Variants in THSD7B observed in about 807,000 individuals in gnomAD.
THSD7B encodes the protein thrombospondin type-1 domain-containing protein 7B.
A neutral mutation model predicts 213.6 loss-of-function variants in THSD7B; 138 were observed. The observed-to-expected ratio is 0.65, with a 90% confidence interval of 0.56 to 0.74. The LOEUF is 0.74. Ranked by LOEUF, THSD7B falls within the 30% of genes least tolerant of loss-of-function variation. The pLI is 0.00. For missense variants in THSD7B, 1,931 were observed against 1,991.5 expected (o/e 0.97, Z 0.58); for synonymous variants, 742 against 687.0 (o/e 1.08, Z -1.25).
At chr2:137,572,706 AAAG>A in intron 17 of THSD7B, 150 bp downstream of exon 17, 1 of 1,040,350 alleles carries the variant, frequency 9.6e-7, no homozygotes, top group Non-Finnish European at 1.3e-6. Context: ...AGAAAGAAAA[AAAG>A]AAAAAAAAAG....
intron 7 of THSD7B, among the ~76,000 whole-genome samples, chr2:137,224,031 C>T (rs1573896680): frequency 6.6e-6 from 1 of 152,278 alleles, no homozygotes; most frequent in East Asian, 1.9e-4. Context: ...AATTTAACCT[C>T]TTTTCTTTAT....
intron 2 of THSD7B, chr2:136,906,543 T>A (rs1684164769): frequency 6.6e-6 from 1 of 152,150 alleles, no homozygotes; most frequent in Admixed American, 6.5e-5. Context: ...AAGTCTTGAA[T>A]TCGTTGATGA....
chr2:136,851,734 G>A (rs2104963948), intron 1 of THSD7B, among the ~76,000 whole-genome samples: 1 of 152,104 alleles, frequency 6.6e-6, no homozygotes, highest in Non-Finnish European at 1.5e-5. Context: ...AGTCTCTTAA[G>A]GCCTAGTCTT....
chr2:137,572,145 C>T (rs2105234372), intron 16 of THSD7B, among the ~76,000 whole-genome samples: 1 of 152,290 alleles, frequency 6.6e-6, no homozygotes, highest in East Asian at 1.9e-4. Flanking sequence ...TCAAGGTCAA[C>T]CATTGCCTTT....
Position 137,629,597 on chromosome 2 carries a change from T to C in THSD7B, c.3799+8871T>C, listed in dbSNP as rs16839180. Among the ~76,000 whole-genome samples the C allele has an allele frequency of 3.5e-3, 528 of 152,188 alleles. 2 individuals carry two copies. The highest frequency in any genetic ancestry group is 0.012 in the African/African-American group (507 of 41,514). ...CTAAAATTCACCTTTCTCCAATCCT[T>C]AGAATAATAAACAAAGACAAAAACA... is the stretch of plus-strand genomic sequence containing the variant. On this transcript the variant is annotated intron_variant, in intron 20 of 27. Coordinates refer to ENST00000409968, the MANE Select transcript of THSD7B (RefSeq NM_001316349.2).
intron 1 of THSD7B, among the ~76,000 whole-genome samples, chr2:136,816,339 C>A (rs1682473614): frequency 6.6e-6 from 1 of 152,206 alleles, no homozygotes; most frequent in Non-Finnish European, 1.5e-5. Context: ...TGTTAAATGT[C>A]TACTACATGC....
At chr2:137,556,230 C>T (rs1680962792) in intron 15 of THSD7B, among the ~76,000 whole-genome samples, 1 of 152,144 alleles carries the variant, frequency 6.6e-6, no homozygotes, top group African/African-American at 2.4e-5. Flanking sequence ...AACTCCCAGA[C>T]ACATAACTGT....
chr2:137,049,528 C>T (rs1249822381), intron 2 of THSD7B, among the ~76,000 whole-genome samples: 3 of 152,106 alleles, frequency 2.0e-5, no homozygotes, highest in Non-Finnish European at 4.4e-5. Context: ...TTCAAAAAAA[C>T]AAAAACAGAA....
chr2:137,496,849 T>C (rs1679579758), intron 15 of THSD7B, among the ~76,000 whole-genome samples: 1 of 152,140 alleles, frequency 6.6e-6, no homozygotes, highest in South Asian at 2.1e-4. Context: ...TTTGAGTGCC[T>C]ATCATGTGCC....
chr2:137,548,457 C>A (rs1250569672), intron 15 of THSD7B, among the ~76,000 whole-genome samples: 1 of 151,888 alleles, frequency 6.6e-6, no homozygotes. Flanking sequence ...TTTCTCAGCC[C>A]TTCCACACAC....
At chr2:137,305,143 A>C (rs182135696) in intron 12 of THSD7B, among the ~76,000 whole-genome samples, 12 of 152,238 alleles carry the variant, frequency 7.9e-5, no homozygotes, top group African/African-American at 2.9e-4. Context: ...TTTGCTCTGA[A>C]ACTGAAATGA....
chr2:137,546,362 T>A (rs1174934207), intron 15 of THSD7B, among the ~76,000 whole-genome samples: 1 of 55,250 alleles, frequency 1.8e-5, no homozygotes, highest in African/African-American at 7.5e-5. Flanking sequence ...TATATATATA[T>A]TATATATATA....
intron 1 of THSD7B, among the ~76,000 whole-genome samples, chr2:136,801,653 G>T (rs968900128): frequency 6.6e-6 from 1 of 151,994 alleles, no homozygotes; most frequent in African/African-American, 2.4e-5. Context: ...CAAAGGAAGG[G>T]CCCATTAAAG....
chr2:137,388,380 G>T (rs931804325), intron 12 of THSD7B, among the ~76,000 whole-genome samples: 13 of 150,642 alleles, frequency 8.6e-5, no homozygotes, highest in African/African-American at 3.2e-4. Flanking sequence ...AATTCTTTTT[G>T]AGTTTTTTTA....
At chr2:137,576,238 T>C (rs138706933) in intron 17 of THSD7B, among the ~76,000 whole-genome samples, 184 of 152,224 alleles carry the variant, frequency 1.2e-3, no homozygotes, top group Non-Finnish European at 2.0e-3. Context: ...TTGATATTGA[T>C]AGGACAAGTG....
intron 2 of THSD7B, among the ~76,000 whole-genome samples, chr2:137,018,974 G>T (rs961336151): frequency 6.6e-6 from 1 of 151,968 alleles, no homozygotes; most frequent in African/African-American, 2.4e-5. Context: ...ATCTCAGTTG[G>T]CTAAAGATTT....
At chr2:137,529,466 T>C (rs1222060511) in intron 15 of THSD7B, among the ~76,000 whole-genome samples, 1 of 150,998 alleles carries the variant, frequency 6.6e-6, no homozygotes, top group East Asian at 2.0e-4. Flanking sequence ...TAGGGAGGCC[T>C]CATAAAGAAG....
In THSD7B at chr2:136,938,201, G is replaced by A. The variant is rs191102392; in HGVS notation, c.139+55884G>A. 1.1e-4 allele frequency among the ~76,000 whole-genome samples: 16 copies of A among 152,218 alleles called. No homozygotes were observed. In the East Asian group the frequency reaches 2.7e-3, roughly 26 times the overall value. ...GAAAACAGTGCTCAGAGGGAGCAAA[G>A]TGCCCATCCTTTCTAAACAGCAGAT... On this transcript the variant is annotated intron_variant, in intron 2 of 27. Coordinates refer to ENST00000409968, the MANE Select transcript of THSD7B (RefSeq NM_001316349.2).
chr2:137,540,730 C>G (rs1426853821), intron 15 of THSD7B, among the ~76,000 whole-genome samples: 1 of 151,660 alleles, frequency 6.6e-6, no homozygotes. Flanking sequence ...CTAAAACACT[C>G]AGAGGCAATT....
Sources: gnomAD v4.1 joint callset for allele counts (sites outside exome capture counted in the v4.1 genomes callset) on GRCh38, gnomAD v4.1.1 for gene constraint, MANE v1.5 for transcripts, NCBI Gene and HGNC (gene_info 2026-07-23, HGNC 2026-07-21) for gene names.